The following SLC9A2 variants were observed in gnomAD, a reference collection of about 807,000 sequenced individuals.
SLC9A2 encodes sodium/hydrogen exchanger 2.
In SLC9A2, 42 loss-of-function variants were observed where a neutral mutation model predicts 71.7. The observed-to-expected ratio is 0.59, with a 90% CI of 0.46 to 0.76. SLC9A2 has a LOEUF of 0.76. SLC9A2 is among the 30% of genes least tolerant of loss of function. The pLI is 0.00. For synonymous variants in SLC9A2, 396 were observed against 392.5 expected (o/e 1.01, Z -0.10); for missense variants, 829 against 1,017.4 (o/e 0.81, Z 2.52).
chr2:102,665,405 A>G (rs534305854), intron 3 of SLC9A2, 55 bp downstream of exon 3: 1 of 1,515,946 alleles, frequency 6.6e-7, no homozygotes, highest in South Asian at 1.2e-5. Flanking sequence ...GAATGCATGC[A>G]TTCTCAGCCA....
chr2:102,674,018 A>T (rs547500787), intron 3 of SLC9A2, among the ~76,000 whole-genome samples: 1 of 152,206 alleles, frequency 6.6e-6, no homozygotes, highest in South Asian at 2.1e-4. Context: ...CGAACTCCTG[A>T]CCTTGGGTGA....
chr2:102,657,887 C>G lies in SLC9A2; in HGVS notation c.613C>G (p.Leu205Val), dbSNP rs746987997. 6.2e-7 allele frequency: 1 copy of G among 1,614,240 alleles called. No homozygotes were observed. The highest frequency in any genetic ancestry group is 8.5e-7 in the Non-Finnish European group (1 of 1,180,038). ...EAFGLSDITL[L>V]QNLLFGSLIS... ...ATTCGGCCTCAGCGACATCACTTTGCTCCAGAACCTGCTCTTTGGCAGCTT... is the reference window on the plus strand; with the variant it reads ...ATTCGGCCTCAGCGACATCACTTTGGTCCAGAACCTGCTCTTTGGCAGCTT... Residue 205 changes from leucine (L) to valine (V), a missense_variant, in exon 2 of 12, where the codon CTC (leucine) becomes GTC (valine). Leu to Val is a conservative substitution (Grantham distance 32). Transcript: ENST00000233969.
At chr2:102,690,557 C>G (rs1677639622) in intron 5 of SLC9A2, among the ~76,000 whole-genome samples, 1 of 151,906 alleles carries the variant, frequency 6.6e-6, no homozygotes, top group Non-Finnish European at 1.5e-5. Flanking sequence ...AGGGGGAAAC[C>G]CTGATCAGCA....
chr2:102,657,417 G>A (rs1573411421), intron 1 of SLC9A2, 147 bp from the exon 2 acceptor site: 1 of 611,934 alleles, frequency 1.6e-6, no homozygotes, highest in South Asian at 2.1e-5. Context: ...GGTTTGCACT[G>A]TAATCTGGGA....
chr2:102,655,438 G>A (rs1386247767), intron 1 of SLC9A2, among the ~76,000 whole-genome samples: 3 of 152,130 alleles, frequency 2.0e-5, no homozygotes, highest in Admixed American at 6.6e-5. Context: ...ACAGGTGTGA[G>A]TCACCACGCC....
At chr2:102,687,723 C>T (rs546086012) in intron 5 of SLC9A2, among the ~76,000 whole-genome samples, 1 of 151,730 alleles carries the variant, frequency 6.6e-6, no homozygotes, top group South Asian at 2.1e-4. Context: ...TCTTAGCAAG[C>T]GATGTAGTCC....
At chr2:102,702,312 A>C in intron 8 of SLC9A2, 94 bp from the exon 9 acceptor site, 1 of 697,764 alleles carries the variant, frequency 1.4e-6, no homozygotes, top group Non-Finnish European at 2.5e-6. Flanking sequence ...TTACAAATTA[A>C]GACTTGTCTT....
intron 3 of SLC9A2, 101 bp downstream of exon 3, chr2:102,665,451 G>A (rs1036497925): frequency 1.3e-5 from 16 of 1,247,910 alleles, no homozygotes; most frequent in African/African-American, 3.0e-5. Context: ...TGAAACACTA[G>A]GTTTTCTTAT....
chr2:102,642,042 TATAATAATAATA>T (rs10682813), intron 1 of SLC9A2, among the ~76,000 whole-genome samples: 1 of 149,696 alleles, frequency 6.7e-6, no homozygotes, highest in Non-Finnish European at 1.5e-5. Flanking sequence ...GAACTTAAAA[TATAATAATAATA>T]ATAATAATAA....
intron 2 of SLC9A2, 51 bp downstream of exon 2, chr2:102,658,078 A>C (rs368497677): frequency 4.8e-5 from 68 of 1,412,294 alleles, no homozygotes; most frequent in Non-Finnish European, 6.3e-5. Flanking sequence ...CTGCCCAGCC[A>C]CCTGCAGTGG....
intron 1 of SLC9A2, among the ~76,000 whole-genome samples, chr2:102,653,010 CTTTT>C (rs931281849): frequency 6.6e-6 from 1 of 152,172 alleles, no homozygotes; most frequent in Non-Finnish European, 1.5e-5. Context: ...AAGAAGCCTT[CTTTT>C]GTTTGTTGTC....
At position 102,628,900 on chromosome 2, in the gene SLC9A2, C is replaced by T. The variant is rs563307756; in HGVS notation, c.289+8763C>T. 7.9e-5 allele frequency among the ~76,000 whole-genome samples: 12 copies of T among 152,104 alleles called. No individual in the cohort carries two copies. The Middle Eastern group carries it at 0.017, about 216-fold the overall frequency. On this transcript the variant is annotated intron_variant, in intron 1 of 11. Transcript: ENST00000233969. ...GCATTTTGGCTAGATAGGTATAATGCTGATTTTTAGTGTTGATTGTGATAT... is the reference window on the plus strand; with the variant it reads ...GCATTTTGGCTAGATAGGTATAATGTTGATTTTTAGTGTTGATTGTGATAT...
chr2:102,688,962 CTT>C (rs1410179625), intron 5 of SLC9A2, among the ~76,000 whole-genome samples: 1 of 152,194 alleles, frequency 6.6e-6, no homozygotes, highest in Non-Finnish European at 1.5e-5. Flanking sequence ...ATAGCAGCCT[CTT>C]TTGCACATTA....
chr2:102,684,689 C>T (rs890435909), intron 5 of SLC9A2, among the ~76,000 whole-genome samples: 3 of 152,210 alleles, frequency 2.0e-5, no homozygotes, highest in African/African-American at 4.8e-5. Context: ...AGCTATTTGA[C>T]ATGAGTTGAC....
intron 7 of SLC9A2, among the ~76,000 whole-genome samples, chr2:102,695,999 A>G (rs1251424673): frequency 2.0e-5 from 3 of 151,644 alleles, no homozygotes; most frequent in African/African-American, 7.3e-5. Context: ...GCAGAATTAG[A>G]TGTATGCTTT....
At chr2:102,646,351 C>G (rs545520889) in intron 1 of SLC9A2, among the ~76,000 whole-genome samples, 1 of 152,150 alleles carries the variant, frequency 6.6e-6, no homozygotes, top group South Asian at 2.1e-4. Context: ...CAAAAACATA[C>G]CAAAATAAAA....
At position 102,688,658 on chromosome 2, in the gene SLC9A2, T is replaced by G. The variant is rs145220494; in HGVS notation, c.1425+4322T>G. ...CAGGAGAATCGCTTGAACCAGGGAG[T>G]CAGAGGTTGCAGTGAGCCGAGATTT... On this transcript the variant is annotated intron_variant, in intron 5 of 11. Transcript: ENST00000233969. 8.3e-3 allele frequency among the ~76,000 whole-genome samples: 1,257 copies of G among 151,830 alleles called. 15 individuals carry two copies. The highest frequency in any genetic ancestry group is 0.028 in the African/African-American group (1,147 of 41,410).
intron 1 of SLC9A2, among the ~76,000 whole-genome samples, chr2:102,622,756 T>C (rs951026420): frequency 6.6e-6 from 1 of 152,178 alleles, no homozygotes; most frequent in Non-Finnish European, 1.5e-5. Flanking sequence ...ATCCATACTA[T>C]CATCATTAGT....
At chr2:102,656,288 T>C (rs1377436007) in intron 1 of SLC9A2, among the ~76,000 whole-genome samples, 1 of 152,226 alleles carries the variant, frequency 6.6e-6, no homozygotes, top group African/African-American at 2.4e-5. Flanking sequence ...TAAAGCCACA[T>C]GGGCTCTACC....
Sources: allele counts gnomAD v4.1 joint callset (sites outside exome capture counted in the v4.1 genomes callset), GRCh38; gene constraint gnomAD v4.1.1; transcripts MANE v1.5; gene names NCBI Gene and HGNC (gene_info 2026-07-23, HGNC 2026-07-21).